Variants in PAX5 observed in about 807,000 individuals in gnomAD.
PAX5 encodes paired box protein Pax-5.
In PAX5, 9 loss-of-function variants were observed where a neutral mutation model predicts 43.7. The ratio of observed to expected loss-of-function variants is 0.21; its 90% CI spans 0.12 to 0.36. The LOEUF is 0.36. Ranked by LOEUF, PAX5 falls within the 10% of genes least tolerant of loss-of-function variation. The pLI is 1.00. For synonymous variants in PAX5, 228 were observed against 214.3 expected (o/e 1.06, Z -0.56); for missense variants, 383 against 532.7 (o/e 0.72, Z 2.77).
intron 6 of PAX5, among the ~76,000 whole-genome samples, chr9:36,941,236 T>C (rs1832022361): frequency 6.6e-6 from 1 of 152,208 alleles, no homozygotes; most frequent in South Asian, 2.1e-4. Context: ...TACCTATCTG[T>C]GGAACACAAC....
chr9:37,026,516 G>C (rs1160003981), intron 1 of PAX5: 1 of 1,323,856 alleles, frequency 7.6e-7, no homozygotes, highest in Middle Eastern at 2.0e-4. Flanking sequence ...AGAGAAGCGA[G>C]CTCGCCGCCT....
chr9:36,873,459 GA>G (rs1825658936), intron 8 of PAX5, among the ~76,000 whole-genome samples: 1 of 152,214 alleles, frequency 6.6e-6, no homozygotes, highest in Admixed American at 6.5e-5. Context: ...AGAGTGACTG[GA>G]GGCCACCAGA....
At chr9:36,931,898 T>C (rs1415764162) in intron 6 of PAX5, among the ~76,000 whole-genome samples, 2 of 151,210 alleles carry the variant, frequency 1.3e-5, no homozygotes, top group Non-Finnish European at 2.9e-5. Context: ...CAATTGGCAA[T>C]GTGAGCACCA....
At chr9:36,911,726 C>T (rs996445668) in intron 7 of PAX5, among the ~76,000 whole-genome samples, 1 of 152,240 alleles carries the variant, frequency 6.6e-6, no homozygotes, top group African/African-American at 2.4e-5. Flanking sequence ...GAGGCATGCC[C>T]CATGGAAAAA....
intron 1 of PAX5, among the ~76,000 whole-genome samples, chr9:37,031,618 G>A (rs902147515): frequency 6.6e-6 from 1 of 152,106 alleles, no homozygotes; most frequent in Non-Finnish European, 1.5e-5. Flanking sequence ...AGGGCAGAGA[G>A]GTCACCTTCC....
intron 5 of PAX5, among the ~76,000 whole-genome samples, chr9:36,977,870 A>G (rs1469767373): frequency 6.6e-6 from 1 of 152,238 alleles, no homozygotes; most frequent in Admixed American, 6.5e-5. Context: ...CAGAGGGAAC[A>G]GCATCTGCAA....
At chr9:36,922,146 A>AC (rs1489142932) in intron 7 of PAX5, among the ~76,000 whole-genome samples, 2 of 151,728 alleles carry the variant, frequency 1.3e-5, no homozygotes, top group Non-Finnish European at 2.9e-5. Flanking sequence ...CTCAGTGCTG[A>AC]CCCTTCAGCC....
In PAX5 at chr9:37,002,744, C is replaced by T. The variant is rs1312771581; in HGVS notation, c.508G>A (p.Val170Met). 6.2e-7 allele frequency: 1 copy of T among 1,610,376 alleles called. No individual in the cohort carries two copies. Among genetic ancestry groups the T allele is most frequent in the Non-Finnish European group, 8.5e-7 (1 of 1,178,834 alleles). Residue 170 changes from valine (V) to methionine (M), a missense_variant, in exon 5 of 10, where the codon GTG (valine) becomes ATG (methionine). Around this residue, in one of 5 missense-constraint regions of PAX5, gnomAD observed 291 missense variants for 342.5 expected, o/e 0.85. Coordinates refer to ENST00000358127, the MANE Select transcript of PAX5 (RefSeq NM_016734.3). ...STGSVTQVSS[V>M]STDSAGSSYS... ...GACGAGCCGGCCGAATCCGTGCTCA[C>T]CGAGGACACCTGCGTCACGGAGCCA... is the stretch of plus-strand genomic sequence containing the variant.
chr9:37,026,328 G>A (rs1019336804), intron 1 of PAX5, among the ~76,000 whole-genome samples: 1 of 152,272 alleles, frequency 6.6e-6, no homozygotes, highest in Non-Finnish European at 1.5e-5. Context: ...ACGCGTTGCC[G>A]GAGGCGGGAT....
chr9:36,902,374 A>G (rs1828479206), intron 7 of PAX5, among the ~76,000 whole-genome samples: 1 of 152,258 alleles, frequency 6.6e-6, no homozygotes, highest in Admixed American at 6.5e-5. Context: ...CACATCCTTA[A>G]TACACTGGAG....
chr9:37,014,984 A>G lies in PAX5; in HGVS notation c.410+13T>C. The G allele has an allele frequency of 2.5e-6, 4 of 1,610,532 alleles. No homozygotes were observed. The highest frequency in any genetic ancestry group is 2.5e-6 in the Non-Finnish European group (3 of 1,177,508). On this transcript the variant is annotated intron_variant, in intron 3 of 9. Transcript: ENST00000358127. ...CTCCAAATCCCCAACCCCCACAGGCACGAGCCCCTCACCTGTTGATGGAAC... is the reference window on the plus strand; with the variant it reads ...CTCCAAATCCCCAACCCCCACAGGCGCGAGCCCCTCACCTGTTGATGGAAC...
chr9:37,018,443 C>T (rs1839574227), intron 2 of PAX5, among the ~76,000 whole-genome samples: 1 of 151,964 alleles, frequency 6.6e-6, no homozygotes, highest in Admixed American at 6.6e-5. Flanking sequence ...CCTGAGATGA[C>T]AGGGGTCCCT....
chr9:36,964,676 C>T (rs550688844), intron 6 of PAX5, among the ~76,000 whole-genome samples: 7 of 152,180 alleles, frequency 4.6e-5, no homozygotes, highest in Admixed American at 2.0e-4. Flanking sequence ...GTTTCCTGAT[C>T]GAGGCCCCTC....
rs576653546 is a variant in PAX5 at position 37,034,098 on chromosome 9, CTTTTTTTTTTTTTTTT to C, written c.-83_-68del. The stretch of plus-strand genomic sequence containing the variant: ...TCCACTTTTTTGTGCCTTTTTTTTT[CTTTTTTTTTTTTTTTT>C]TTTTTTTTTTTTGGTGCCAGGGGCC... On this transcript the variant is annotated 5_prime_UTR_variant, in exon 1 of 10. Coordinates refer to ENST00000358127, the MANE Select transcript of PAX5 (RefSeq NM_016734.3). The C allele has an allele frequency of 2.8e-5, 9 of 320,070 alleles. No homozygotes were observed. Among genetic ancestry groups the C allele is most frequent in the South Asian group, 5.9e-5 (2 of 33,906 alleles). The allele number at this position is 320,070 out of a possible 1,614,324, so 19.8% of individuals were successfully genotyped here. A position where few individuals can be genotyped will look rare whatever the true frequency, so the allele number is the denominator to read the frequency against.
rs1234534912 is a variant in PAX5, at chr9:36,882,766, A to T, written c.911-661T>A. Among the ~76,000 whole-genome samples, 2 of 152,152 alleles carry T rather than the reference A, an allele frequency of 1.3e-5. No homozygotes were observed. The highest frequency in any genetic ancestry group is 4.8e-5 in the African/African-American group (2 of 41,438). On this transcript the variant is annotated intron_variant, in intron 7 of 9. Transcript: ENST00000358127. This position sits in a 1 kb window ranked among gnomAD's most constrained non-coding sequence, Gnocchi z 4.4. ...ACACTGTTCTGGCCCTGGGACATGGAGGTTAAGGCCTCAGCCCTCAAGGCG... is the reference window on the plus strand; with the variant it reads ...ACACTGTTCTGGCCCTGGGACATGGTGGTTAAGGCCTCAGCCCTCAAGGCG...
At chr9:37,030,332 C>G (rs1050557001) in intron 1 of PAX5, among the ~76,000 whole-genome samples, 1 of 152,200 alleles carries the variant, frequency 6.6e-6, no homozygotes, top group Non-Finnish European at 1.5e-5. Flanking sequence ...CTAGCCCAGC[C>G]TTACAGGTCA....
chr9:36,877,154 T>C (rs962285586), intron 8 of PAX5, among the ~76,000 whole-genome samples: 2 of 152,102 alleles, frequency 1.3e-5, no homozygotes, highest in Admixed American at 1.3e-4. Context: ...CTGGACAGTA[T>C]GGCAAAACCC....
At chr9:36,901,375 T>A (rs1488943590) in intron 7 of PAX5, among the ~76,000 whole-genome samples, 2 of 152,068 alleles carry the variant, frequency 1.3e-5, no homozygotes, top group African/African-American at 2.4e-5. Context: ...CAGGAAGCCC[T>A]CCCACCCAGC....
chr9:36,896,339 G>A (rs548653895), intron 7 of PAX5, among the ~76,000 whole-genome samples: 59 of 151,708 alleles, frequency 3.9e-4, no homozygotes, highest in Non-Finnish European at 7.8e-4. Flanking sequence ...AACAGACAAC[G>A]CTGATATTTT....
Sources: gnomAD v4.1 joint callset for allele counts (sites outside exome capture counted in the v4.1 genomes callset) on GRCh38, gnomAD v4.1.1 for gene constraint, gnomAD v4.1.1 regional missense constraint, Gnocchi (gnomAD v3.1) non-coding constraint, MANE v1.5 for transcripts, NCBI Gene and HGNC (gene_info 2026-07-23, HGNC 2026-07-21) for gene names.